The following DENND1A variants were observed in gnomAD, a reference collection of about 807,000 sequenced individuals.
DENND1A encodes DENN domain containing 1A.
Under a neutral mutation model 113.7 loss-of-function variants are expected in DENND1A, and 51 were observed. The ratio of observed to expected loss-of-function variants is 0.45; its 90% CI spans 0.36 to 0.57. The LOEUF (loss-of-function observed/expected upper bound fraction) is 0.57. Ranked by LOEUF, DENND1A falls within the 20% of genes least tolerant of loss-of-function variation. The pLI is 0.00. For missense variants in DENND1A, 1,258 were observed against 1,395.9 expected, an observed-to-expected ratio of 0.90 and a Z score of 1.57; for synonymous variants, 565 against 570.8, an observed-to-expected ratio of 0.99 and a Z score of 0.14.
At chr9:123,748,049 AAAG>A (rs760488364) in intron 5 of DENND1A, among the ~76,000 whole-genome samples, 8 of 152,342 alleles carry the variant, frequency 5.3e-5, no homozygotes, top group Middle Eastern at 3.4e-3. Context: ...GCATTTTTAA[AAAG>A]AAGATAAGCC....
intron 13 of DENND1A, among the ~76,000 whole-genome samples, chr9:123,540,034 C>T (rs1303991424): frequency 1.3e-5 from 2 of 152,132 alleles, no homozygotes; most frequent in African/African-American, 4.8e-5. Context: ...TCTTTGTAAA[C>T]AGTGTCAGCA....
chr9:123,643,037 A>C (rs1422269484), intron 9 of DENND1A, among the ~76,000 whole-genome samples: 1 of 152,070 alleles, frequency 6.6e-6, no homozygotes, highest in African/African-American at 2.4e-5. Flanking sequence ...TGTCGGTGGG[A>C]GTGGTGGAAC....
intron 11 of DENND1A, among the ~76,000 whole-genome samples, chr9:123,586,469 A>G (rs554833116): frequency 6.6e-5 from 10 of 152,252 alleles, no homozygotes; most frequent in African/African-American, 2.4e-4. Flanking sequence ...ATAGGAAAAA[A>G]CCTGGCCCCT....
chr9:123,572,899 T>G (rs1208923493), intron 12 of DENND1A, among the ~76,000 whole-genome samples: 2 of 152,148 alleles, frequency 1.3e-5, no homozygotes, highest in African/African-American at 4.8e-5. Flanking sequence ...CTCTCATATT[T>G]TTTTTCTAGT....
intron 21 of DENND1A, among the ~76,000 whole-genome samples, chr9:123,396,541 A>T (rs1248811871): frequency 6.6e-6 from 1 of 152,232 alleles, no homozygotes; most frequent in African/African-American, 2.4e-5. Context: ...CATGTGTGTG[A>T]GTGTCCAGAG....
intron 13 of DENND1A, among the ~76,000 whole-genome samples, chr9:123,469,393 C>T (rs746157865): frequency 7.2e-5 from 11 of 152,244 alleles, no homozygotes; most frequent in East Asian, 3.8e-4. Context: ...CCATTCTGGC[C>T]GGCCGCTCTG....
intron 4 of DENND1A, among the ~76,000 whole-genome samples, chr9:123,761,077 T>A (rs2070998631): frequency 6.6e-6 from 1 of 152,192 alleles, no homozygotes; most frequent in South Asian, 2.1e-4. Flanking sequence ...AGAGAATGAA[T>A]GCACCTGACT....
chr9:123,703,810 G>T (rs982494780), intron 5 of DENND1A, among the ~76,000 whole-genome samples: 1 of 152,112 alleles, frequency 6.6e-6, no homozygotes, highest in African/African-American at 2.4e-5. Context: ...AGGGCCAGGG[G>T]AGGTTGGGGT....
intron 11 of DENND1A, among the ~76,000 whole-genome samples, chr9:123,597,045 C>T (rs1037214069): frequency 4.6e-5 from 7 of 152,118 alleles, no homozygotes; most frequent in Admixed American, 3.3e-4. Context: ...GATGTTGATT[C>T]CCTAGTCCCC....
At chr9:123,407,986 CTTTCTTT>C (rs1239086249) in intron 20 of DENND1A, among the ~76,000 whole-genome samples, 2 of 152,226 alleles carry the variant, frequency 1.3e-5, no homozygotes, top group African/African-American at 4.8e-5. Flanking sequence ...TTCTTCTGCT[CTTTCTTT>C]TTTCTTCTTT....
Position 123,381,397 on chromosome 9 carries a change from G to C in DENND1A, c.*35C>G. 1 of 1,597,260 alleles carries C rather than the reference G, an allele frequency of 6.3e-7. No individual in the cohort carries two copies. The highest frequency in any genetic ancestry group is 8.5e-7 in the Non-Finnish European group (1 of 1,169,706). ...GAACCGCAGCAGTGGACGGACCCTC[G>C]GGCCTCGGTGCATCCCCCACCCTCA... On this transcript the variant is annotated 3_prime_UTR_variant, in exon 24 of 24. Coordinates refer to ENST00000394215, the MANE Select transcript of DENND1A (RefSeq NM_001352964.2). The surrounding 1 kb of genome is among the most constrained non-coding windows in gnomAD (Gnocchi z 4.7).
rs1394576449 is a variant in DENND1A at position 123,830,321 on chromosome 9, C to A, written c.89-37691G>T. Among the ~76,000 whole-genome samples, 3 of 151,998 alleles carry A rather than the reference C, an allele frequency of 2.0e-5. No individual in the cohort carries two copies. The East Asian group carries it at 5.8e-4, about 29-fold the overall frequency. ...AAAACTAATCTATGGTAACATAAAT[C>A]AGAACAGTTGTTGTCTCTGGTGGGG... On this transcript the variant is annotated intron_variant, in intron 2 of 23. Transcript: ENST00000394215.
chr9:123,637,949 ACGCG>A (rs1288355567), intron 9 of DENND1A, among the ~76,000 whole-genome samples: 7 of 19,138 alleles, frequency 3.7e-4, no homozygotes, highest in African/African-American at 8.3e-4. Context: ...ACACACACAC[ACGCG>A]CACACACACA....
At chr9:123,428,503 G>T (rs1341350327) in intron 19 of DENND1A, among the ~76,000 whole-genome samples, 2 of 152,198 alleles carry the variant, frequency 1.3e-5, no homozygotes, top group Non-Finnish European at 2.9e-5. Flanking sequence ...AGACAGGGAT[G>T]CCCTCTCTCA....
chr9:123,834,459 G>A (rs1464321029), intron 2 of DENND1A, among the ~76,000 whole-genome samples: 3 of 152,174 alleles, frequency 2.0e-5, no homozygotes, highest in African/African-American at 7.2e-5. Flanking sequence ...AGCAGAGGGA[G>A]CTTTCAATCA....
intron 13 of DENND1A, among the ~76,000 whole-genome samples, chr9:123,508,184 A>T (rs879779575): frequency 4.6e-5 from 7 of 152,232 alleles, no homozygotes; most frequent in Non-Finnish European, 7.3e-5. Context: ...CTAAAATGAA[A>T]CTGGAAAAGT....
intron 3 of DENND1A, among the ~76,000 whole-genome samples, chr9:123,781,807 T>C (rs1831362415): frequency 1.3e-5 from 2 of 152,178 alleles, no homozygotes. Flanking sequence ...CGGTGACTCA[T>C]GCCTATAATC....
intron 13 of DENND1A, among the ~76,000 whole-genome samples, chr9:123,508,669 G>A (rs1163831208): frequency 2.0e-5 from 3 of 152,162 alleles, no homozygotes; most frequent in South Asian, 2.1e-4. Context: ...CAAAGTGAAC[G>A]TGGCATGAAC....
At chr9:123,548,555 G>A (rs771264201) in intron 13 of DENND1A, among the ~76,000 whole-genome samples, 1 of 152,140 alleles carries the variant, frequency 6.6e-6, no homozygotes, top group African/African-American at 2.4e-5. Flanking sequence ...CCACAACTGC[G>A]CTTTTAGGTA....
Sources: gnomAD v4.1 joint callset for allele counts (sites outside exome capture counted in the v4.1 genomes callset) on GRCh38, gnomAD v4.1.1 for gene constraint, Gnocchi (gnomAD v3.1) non-coding constraint, MANE v1.5 for transcripts, NCBI Gene and HGNC (gene_info 2026-07-23, HGNC 2026-07-21) for gene names.